Variants in ASPH observed in about 807,000 individuals in gnomAD.
ASPH encodes aspartyl/asparaginyl beta-hydroxylase.
ASPH carries 100 observed loss-of-function variants against 118.4 expected under a neutral mutation model. That is an observed-to-expected ratio of 0.84 (90% CI 0.72 to 1.00). The LOEUF (loss-of-function observed/expected upper bound fraction) is 1.00, where lower values mean the gene tolerates loss of function less well. Among genes scored for constraint, ASPH ranks in the 50% least tolerant of loss-of-function variants. The pLI, the probability that ASPH is intolerant of heterozygous loss-of-function variation, is 0.00. For missense variants in ASPH, 920 were observed against 919.5 expected (o/e 1.00, Z -0.01); for synonymous variants, 315 against 325.6 (o/e 0.97, Z 0.35).
chr8:61,635,319 T>C lies in ASPH; in HGVS notation c.890-1592A>G, dbSNP rs147156314. The stretch of plus-strand genomic sequence containing the variant: ...GATTCTTAGAGCTCAGTCCTGGGCA[T>C]GCCTCTTTATCGTCTCTCCACTTGC... On this transcript the variant is annotated intron_variant, in intron 12 of 24. Coordinates refer to ENST00000379454, the MANE Select transcript of ASPH (RefSeq NM_004318.4). 2.0e-5 allele frequency among the ~76,000 whole-genome samples: 3 copies of C among 152,294 alleles called. No individual in the cohort carries two copies. The East Asian group carries it at 5.8e-4, about 29-fold the overall frequency.
At chr8:61,580,562 G>C (rs1200323323) in intron 15 of ASPH, among the ~76,000 whole-genome samples, 2 of 152,206 alleles carry the variant, frequency 1.3e-5, no homozygotes, top group African/African-American at 4.8e-5. Flanking sequence ...TTGCAGAACA[G>C]ATTTCCAGAA....
intron 1 of ASPH, chr8:61,687,560 A>G (rs1831028428): frequency 6.6e-6 from 1 of 152,204 alleles, no homozygotes; most frequent in African/African-American, 2.4e-5. Flanking sequence ...TCGAGTGCAC[A>G]GATCTCTCAG....
chr8:61,647,498 C>A (rs1487970951), intron 5 of ASPH, among the ~76,000 whole-genome samples: 1 of 151,876 alleles, frequency 6.6e-6, no homozygotes, highest in Non-Finnish European at 1.5e-5. Context: ...TGGTAAAACC[C>A]CATCTCTACT....
intron 22 of ASPH, among the ~76,000 whole-genome samples, chr8:61,519,940 C>A (rs998989470): frequency 2.0e-5 from 3 of 152,092 alleles, no homozygotes; most frequent in African/African-American, 7.2e-5. Context: ...ATTTGTTACA[C>A]CAGCCACAGG....
intron 21 of ASPH, among the ~76,000 whole-genome samples, chr8:61,542,638 T>C (rs1045467709): frequency 1.3e-5 from 2 of 152,176 alleles, no homozygotes; most frequent in African/African-American, 4.8e-5. Context: ...AAAAAACTAA[T>C]AAAAACACAT....
chr8:61,636,302 G>T (rs777897462), intron 12 of ASPH, among the ~76,000 whole-genome samples: 9 of 152,120 alleles, frequency 5.9e-5, no homozygotes, highest in Non-Finnish European at 1.0e-4. Context: ...CTATACAAGA[G>T]CTATGGAGAA....
At position 61,627,719 on chromosome 8, in the gene ASPH, CA is replaced by C. The variant is rs1306927859; in HGVS notation, c.934+5963del. 2.0e-5 allele frequency among the ~76,000 whole-genome samples: 3 copies of C among 152,080 alleles called. No individual in the cohort carries two copies. The East Asian group carries it at 5.8e-4, about 29-fold the overall frequency. On this transcript the variant is annotated intron_variant, in intron 13 of 24. Coordinates refer to ENST00000379454, the MANE Select transcript of ASPH (RefSeq NM_004318.4). The stretch of plus-strand genomic sequence containing the variant: ...ATAACAATGAGTATTTATAAAAAGG[CA>C]AATAAACTAAAAGTTCTACTACAAT...
intron 10 of ASPH, 125 bp from the exon 11 acceptor site, chr8:61,638,488 A>C (rs1858917469): frequency 1.2e-6 from 1 of 815,166 alleles, no homozygotes; most frequent in African/African-American, 1.8e-5. Context: ...AGTCACTGGG[A>C]AACAGCCGAC....
chr8:61,683,332 T>TA (rs1225299111), intron 2 of ASPH, among the ~76,000 whole-genome samples: 1 of 152,030 alleles, frequency 6.6e-6, no homozygotes, highest in Non-Finnish European at 1.5e-5. Context: ...TATTTCAGTT[T>TA]AAAAAAAGAT....
At chr8:61,694,714 T>TA (rs1833514356) in intron 1 of ASPH, among the ~76,000 whole-genome samples, 1 of 152,218 alleles carries the variant, frequency 6.6e-6, no homozygotes, top group Non-Finnish European at 1.5e-5. Context: ...TACTTGTTCC[T>TA]ATGCCACCTC....
At chr8:61,637,302 T>C (rs1858262641) in intron 12 of ASPH, among the ~76,000 whole-genome samples, 1 of 152,100 alleles carries the variant, frequency 6.6e-6, no homozygotes, top group South Asian at 2.1e-4. Flanking sequence ...GGCTAGCCAG[T>C]CACCTGACCT....
intron 15 of ASPH, 74 bp from the exon 16 acceptor site, chr8:61,576,932 C>T: frequency 7.8e-7 from 1 of 1,285,146 alleles, no homozygotes; most frequent in South Asian, 1.5e-5. Flanking sequence ...ATTTAATATT[C>T]AGCAAGTGGT....
At chr8:61,688,862 G>A (rs1278126337) in intron 1 of ASPH, among the ~76,000 whole-genome samples, 1 of 152,166 alleles carries the variant, frequency 6.6e-6, no homozygotes, top group Non-Finnish European at 1.5e-5. Context: ...GCTACATGAA[G>A]CACTTTATCA....
At chr8:61,579,138 A>G in intron 15 of ASPH, 7 of 1,611,722 alleles carry the variant, frequency 4.3e-6, no homozygotes, top group Non-Finnish European at 5.9e-6. Flanking sequence ...AAAGACTGAG[A>G]TCTCTGAGAT....
intron 14 of ASPH, among the ~76,000 whole-genome samples, chr8:61,613,162 G>GT (rs2133982263): frequency 6.6e-6 from 1 of 152,282 alleles, no homozygotes; most frequent in East Asian, 1.9e-4. Flanking sequence ...TGCTGAGAAG[G>GT]TATTTTTGGT....
intron 13 of ASPH, 36 bp from the exon 14 acceptor site, chr8:61,619,055 C>A: frequency 7.0e-7 from 1 of 1,432,694 alleles, no homozygotes; most frequent in Non-Finnish European, 9.8e-7. Context: ...AAGTACTATG[C>A]AAGTCACCAT....
At chr8:61,544,690 G>GA (rs1823140581) in intron 21 of ASPH, among the ~76,000 whole-genome samples, 2 of 152,138 alleles carry the variant, frequency 1.3e-5, no homozygotes, top group South Asian at 2.1e-4. Context: ...ACATATTTAT[G>GA]AAAAAACTAG....
chr8:61,575,883 A>T (rs1834983991), intron 16 of ASPH, among the ~76,000 whole-genome samples: 1 of 152,128 alleles, frequency 6.6e-6, no homozygotes, highest in African/African-American at 2.4e-5. Flanking sequence ...AAAAGGTACC[A>T]CCTCTGTAGG....
chr8:61,573,135 C>G (rs562319807), intron 16 of ASPH, among the ~76,000 whole-genome samples: 3 of 152,090 alleles, frequency 2.0e-5, no homozygotes, highest in Non-Finnish European at 4.4e-5. Flanking sequence ...GAATTCAACA[C>G]CTAGGAATAC....
Sources: allele counts gnomAD v4.1 joint callset (sites outside exome capture counted in the v4.1 genomes callset), GRCh38; gene constraint gnomAD v4.1.1; transcripts MANE v1.5; gene names NCBI Gene and HGNC (gene_info 2026-07-23, HGNC 2026-07-21).